The following DSCAM variants were observed in gnomAD, a reference collection of about 807,000 sequenced individuals.
DSCAM encodes the protein cell adhesion molecule DSCAM.
In DSCAM, 47 loss-of-function variants were observed where a neutral mutation model predicts 217.7. The ratio of observed to expected loss-of-function variants is 0.22; its 90% CI spans 0.17 to 0.28. The LOEUF (loss-of-function observed/expected upper bound fraction) is 0.28. Among genes scored for constraint, DSCAM ranks in the 10% least tolerant of loss-of-function variants. The pLI, the probability that DSCAM is intolerant of heterozygous loss-of-function variation, is 1.00. For missense variants in DSCAM, 2,080 were observed against 2,618.3 expected (o/e 0.79, Z 4.49); for synonymous variants, 1,056 against 1,015.3 (o/e 1.04, Z -0.76).
chr21:40,836,015 G>A (rs1180947552), intron 1 of DSCAM, among the ~76,000 whole-genome samples: 1 of 152,148 alleles, frequency 6.6e-6, no homozygotes, highest in East Asian at 1.9e-4. Flanking sequence ...CTTCAGATCT[G>A]GCTCTGGAAT....
chr21:40,821,390 C>CGT (rs1159676469), intron 1 of DSCAM, among the ~76,000 whole-genome samples: 4 of 149,172 alleles, frequency 2.7e-5, no homozygotes, highest in South Asian at 4.3e-4. Flanking sequence ...CAGACACACG[C>CGT]GCGCACACAC....
intron 3 of DSCAM, among the ~76,000 whole-genome samples, chr21:40,672,865 TTC>T (rs1454254655): frequency 6.6e-6 from 1 of 152,104 alleles, no homozygotes; most frequent in Non-Finnish European, 1.5e-5. Context: ...TGTCCTTTTT[TTC>T]TCTGTCCCCA....
chr21:40,178,103 C>T (rs1330930649), intron 15 of DSCAM, among the ~76,000 whole-genome samples: 2 of 152,224 alleles, frequency 1.3e-5, no homozygotes, highest in Non-Finnish European at 2.9e-5. Context: ...AGCGCAGTGG[C>T]TTCCTCTCCT....
intron 32 of DSCAM, among the ~76,000 whole-genome samples, chr21:40,029,152 A>AGTACCC (rs2088466716): frequency 6.6e-6 from 1 of 152,152 alleles, no homozygotes; most frequent in Admixed American, 6.5e-5. Context: ...GGTGGCTTCC[A>AGTACCC]ATTCTTGGTT....
rs555200794 is a variant in DSCAM, at chr21:40,185,097, C to T, written c.2779+2034G>A. ...CAGGGAGCCCCCAAGGAGCCTCTAGCGTGGTGGAGGTGAAATGCATTAATC... is the reference window on the plus strand; with the variant it reads ...CAGGGAGCCCCCAAGGAGCCTCTAGTGTGGTGGAGGTGAAATGCATTAATC... On this transcript the variant is annotated intron_variant, in intron 14 of 32. Coordinates refer to ENST00000400454, the MANE Select transcript of DSCAM (RefSeq NM_001389.5). Among the ~76,000 whole-genome samples the T allele has an allele frequency of 3.3e-5, 5 of 152,242 alleles. No homozygotes were observed. The East Asian group carries it at 7.7e-4, about 23-fold the overall frequency.
intron 11 of DSCAM, among the ~76,000 whole-genome samples, chr21:40,230,976 A>G (rs2091376097): frequency 6.8e-6 from 1 of 147,914 alleles, no homozygotes; most frequent in Non-Finnish European, 1.5e-5. Context: ...AGCATGCCCA[A>G]TCCATTTCTC....
At chr21:40,107,586 A>T (rs958337670) in intron 20 of DSCAM, among the ~76,000 whole-genome samples, 2 of 151,944 alleles carry the variant, frequency 1.3e-5, no homozygotes, top group Non-Finnish European at 2.9e-5. Context: ...GATCTGTCTA[A>T]TATTGTCAGT....
At chr21:40,021,605 A>G (rs2088274228) in intron 32 of DSCAM, among the ~76,000 whole-genome samples, 1 of 152,140 alleles carries the variant, frequency 6.6e-6, no homozygotes, top group East Asian at 1.9e-4. Context: ...CGCTTTACCC[A>G]TTATTGCAGC....
chr21:40,071,907 A>G (rs1439998445), intron 27 of DSCAM, among the ~76,000 whole-genome samples: 1 of 152,224 alleles, frequency 6.6e-6, no homozygotes, highest in African/African-American at 2.4e-5. Flanking sequence ...ACTTTGTATC[A>G]TTAATGAACA....
chr21:40,808,150 G>A (rs138561342), intron 1 of DSCAM, among the ~76,000 whole-genome samples: 1 of 152,294 alleles, frequency 6.6e-6, no homozygotes, highest in Non-Finnish European at 1.5e-5. Flanking sequence ...AAGTCTGAAT[G>A]ACCATCCAGC....
intron 3 of DSCAM, among the ~76,000 whole-genome samples, chr21:40,494,319 A>G (rs1270846558): frequency 1.3e-5 from 2 of 152,230 alleles, no homozygotes; most frequent in African/African-American, 2.4e-5. Flanking sequence ...CAGTCACTTC[A>G]GATTTAAGGA....
chr21:40,076,568 T>C (rs2089368956), intron 26 of DSCAM, among the ~76,000 whole-genome samples: 1 of 152,262 alleles, frequency 6.6e-6, no homozygotes, highest in Non-Finnish European at 1.5e-5. Flanking sequence ...TGATTTCATA[T>C]TTCCAAAACG....
intron 11 of DSCAM, among the ~76,000 whole-genome samples, chr21:40,251,265 A>G (rs2073300598): frequency 1.3e-5 from 2 of 152,224 alleles, no homozygotes; most frequent in South Asian, 4.1e-4. Context: ...AAATCAACAC[A>G]TATAGATCAG....
At chr21:40,832,610 A>G (rs1011007668) in intron 1 of DSCAM, among the ~76,000 whole-genome samples, 5 of 152,188 alleles carry the variant, frequency 3.3e-5, no homozygotes, top group African/African-American at 9.7e-5. Context: ...GCAAGAGGCT[A>G]TCGTTTCCAG....
chr21:40,746,608 A>C (rs1352161450), intron 1 of DSCAM, among the ~76,000 whole-genome samples: 2 of 151,918 alleles, frequency 1.3e-5, no homozygotes, highest in Non-Finnish European at 2.9e-5. Flanking sequence ...ATTGACTATA[A>C]TACAATAAGA....
chr21:40,436,327 T>C (rs1230504318), intron 3 of DSCAM, among the ~76,000 whole-genome samples: 1 of 152,220 alleles, frequency 6.6e-6, no homozygotes, highest in Non-Finnish European at 1.5e-5. Context: ...ATGGTTAGTT[T>C]ACACAAATTA....
chr21:40,242,694 A>T (rs2073169422), intron 11 of DSCAM, among the ~76,000 whole-genome samples: 1 of 152,198 alleles, frequency 6.6e-6, no homozygotes, highest in South Asian at 2.1e-4. Context: ...TGTGACATGC[A>T]ACTTTGAAAT....
intron 5 of DSCAM, among the ~76,000 whole-genome samples, chr21:40,350,143 G>A (rs2074613454): frequency 6.6e-6 from 1 of 151,898 alleles, no homozygotes; most frequent in African/African-American, 2.4e-5. Context: ...AACTCAAGAT[G>A]GATTAAAGAC....
At chr21:40,218,151 T>C (rs1180875688) in intron 11 of DSCAM, among the ~76,000 whole-genome samples, 1 of 152,166 alleles carries the variant, frequency 6.6e-6, no homozygotes, top group Admixed American at 6.6e-5. Context: ...CTTTAATCTT[T>C]CTTGAGTTGA....
Sources: gnomAD v4.1 joint callset for allele counts (sites outside exome capture counted in the v4.1 genomes callset) on GRCh38, gnomAD v4.1.1 for gene constraint, MANE v1.5 for transcripts, NCBI Gene and HGNC (gene_info 2026-07-23, HGNC 2026-07-21) for gene names.